Variants in HCFC1 observed in about 807,000 individuals in gnomAD.
The protein encoded by HCFC1 is host cell factor C1.
A neutral mutation model predicts 105.5 loss-of-function variants in HCFC1; 7 were observed. The observed-to-expected ratio is 0.07, with a 90% CI of 0.04 to 0.12. HCFC1 has a LOEUF of 0.12. Among genes scored for constraint, HCFC1 ranks in the 10% least tolerant of loss-of-function variants. The pLI, the probability that HCFC1 is intolerant of heterozygous loss-of-function variation, is 1.00. For missense variants in HCFC1, 1,065 were observed against 1,823.6 expected (o/e 0.58, Z 7.58); for synonymous variants, 918 against 828.1 (o/e 1.11, Z -1.86).
intron 1 of HCFC1, among the ~76,000 whole-genome samples, chrX:153,967,728 A>G (rs999799966): frequency 9.0e-5 from 10 of 111,602 alleles, no homozygotes; most frequent in Non-Finnish European, 3.8e-5. Context: ...TTCTCAGAAG[A>G]GGTGACGTTT....
Position 153,955,245 on chromosome X carries a change from T to C in HCFC1, c.3154A>G (p.Arg1052Gly). 1 of 1,211,664 alleles carries C rather than the reference T, an allele frequency of 8.3e-7. No individual in the cohort carries two copies. The highest frequency in any genetic ancestry group is 1.8e-5 in the South Asian group (1 of 57,008). Reference sequence around the variant, plus strand: ...ACAAGAGAAGCAGCTGCCTCCTGTCTGTCACAGACGAACTGCACTTGGGTG... The same window carrying C: ...ACAAGAGAAGCAGCTGCCTCCTGTCCGTCACAGACGAACTGCACTTGGGTG... ...QPTQVQFVCD[R>G]QEAAASLVTS... The change falls in exon 17 of 26, where the codon AGA (arginine) becomes GGA (glycine). Residue 1052 changes from arginine to glycine, a missense_variant. Physicochemically the swap from Arg to Gly is moderately radical, Grantham distance 125 (BLOSUM62 -2). Around this residue, in one of 17 missense-constraint regions of HCFC1, gnomAD observed 546 missense variants for 599.9 expected, o/e 0.91. Coordinates refer to ENST00000310441, the MANE Select transcript of HCFC1 (RefSeq NM_005334.3).
Position 153,954,893 on chromosome X carries a change from C to T in HCFC1, c.3506G>A (p.Arg1169His), listed in dbSNP as rs369834016. 23 of 1,161,633 alleles carry T rather than the reference C, an allele frequency of 2.0e-5. No individual in the cohort carries two copies. Among genetic ancestry groups the T allele is most frequent in the East Asian group, 6.3e-5 (2 of 31,743 alleles). The change falls in exon 17 of 26, where the codon CGC becomes CAC. Residue 1169 changes from arginine (R) to histidine (H), a missense_variant. Around this residue, in one of 17 missense-constraint regions of HCFC1, gnomAD observed 546 missense variants for 599.9 expected, o/e 0.91. Coordinates refer to ENST00000310441, the MANE Select transcript of HCFC1 (RefSeq NM_005334.3). ...GGTGGTGCTGGTCGCGCTGGTCTGG[C>T]GGGTTTGGCACTGGGACTTAGAGCC... ...AQGSKSQCQT[R>H]QTSATSTTMT...
Position 153,967,756 on chromosome X carries a change from G to A in HCFC1, c.193+2892C>T, listed in dbSNP as rs145891247. Among the ~76,000 whole-genome samples, 279 of 111,927 alleles carry A rather than the reference G, an allele frequency of 2.5e-3. 1 individual carries two copies. The highest frequency in any genetic ancestry group is 2.5e-3 in the Non-Finnish European group (135 of 53,132). Reference sequence around the variant, plus strand: ...TGACGTTTCAGCCGGGCCTTGAAGGGTGAACAGGATTTCCCGACAAATGAA... The same window carrying A: ...TGACGTTTCAGCCGGGCCTTGAAGGATGAACAGGATTTCCCGACAAATGAA... On this transcript the variant is annotated intron_variant, in intron 1 of 25. Coordinates refer to ENST00000310441, the MANE Select transcript of HCFC1 (RefSeq NM_005334.3).
At chrX:153,956,450 C>T in intron 15 of HCFC1, 39 bp from the exon 16 acceptor site, 2 of 1,159,488 alleles carry the variant, frequency 1.7e-6, no homozygotes, top group Non-Finnish European at 2.3e-6. Flanking sequence ...AAGGCTGCTG[C>T]TGTCTCCTTC....
In HCFC1 at chrX:153,971,641, C is replaced by T. The variant is rs2065536425; in HGVS notation, c.-801G>A. 3.4e-6 allele frequency: 1 copy of T among 296,154 alleles called. No homozygotes were observed. Among genetic ancestry groups the T allele is most frequent in the Non-Finnish European group, 5.9e-6 (1 of 169,335 alleles). The allele number at this position is 296,154 out of a possible 1,213,427, so 24.4% of individuals were successfully genotyped here. A position where few individuals can be genotyped will look rare whatever the true frequency, so the allele number is the denominator to read the frequency against. On this transcript the variant is annotated 5_prime_UTR_variant, in exon 1 of 26. Coordinates refer to ENST00000310441, the MANE Select transcript of HCFC1 (RefSeq NM_005334.3). ...CTATTCTCTTCCTCCTAGGTCAGTTCTTCCACTGCACACCAAACTCAAGGC... is the reference window on the plus strand; with the variant it reads ...CTATTCTCTTCCTCCTAGGTCAGTTTTTCCACTGCACACCAAACTCAAGGC...
At chrX:153,962,186 T>C (rs2065435754) in intron 5 of HCFC1, 36 bp downstream of exon 5, 1 of 1,103,822 alleles carries the variant, frequency 9.1e-7, no homozygotes, top group African/African-American at 1.8e-5. Flanking sequence ...GCCACGCCAG[T>C]CTAGAGAAGA....
chrX:153,958,798 C>T, intron 9 of HCFC1, 32 bp from the exon 10 acceptor site: 1 of 1,066,588 alleles, frequency 9.4e-7, no homozygotes. Flanking sequence ...GAGGCCAGGT[C>T]ACAGGTGCCA....
At chrX:153,960,903 G>A (rs1222333656) in intron 6 of HCFC1, among the ~76,000 whole-genome samples, 9 of 112,751 alleles carry the variant, frequency 8.0e-5, no homozygotes, top group African/African-American at 2.9e-4. Flanking sequence ...TTCCGTGAGG[G>A]CACCACTGGA....
chrX:153,965,174 C>A (rs1557118049), intron 1 of HCFC1, among the ~76,000 whole-genome samples: 1 of 111,259 alleles, frequency 9.0e-6, no homozygotes, highest in African/African-American at 3.3e-5. Flanking sequence ...AAACAGTGAC[C>A]GCTGCAGGCT....
intron 13 of HCFC1, 100 bp from the exon 14 acceptor site, chrX:153,957,160 T>C (rs2065385195): frequency 2.9e-6 from 3 of 1,030,713 alleles, no homozygotes; most frequent in East Asian, 3.0e-5. Context: ...GCCATAGCCC[T>C]GCCCATCTCC....
In HCFC1 at chrX:153,952,890, C is replaced by T. The variant is rs371874117; in HGVS notation, c.4566G>A (p.Ser1522=). The change falls in exon 19 of 26, where the codon TCG becomes TCA. Residue 1522 remains serine (S), a synonymous_variant. Transcript: ENST00000310441. ...QQLPPRQLLQ[S]ASTALMGESA... is the part of the protein sequence containing the mutation. ...ACTCCCCCATCAGGGCTGTGGAAGC[C>T]GACTGCAGAAGCTGCCGTGGCGGCA... is the stretch of plus-strand genomic sequence containing the variant. 4.6e-5 allele frequency: 54 copies of T among 1,181,380 alleles called. No individual in the cohort carries two copies. The highest frequency in any genetic ancestry group is 1.1e-4 in the South Asian group (6 of 54,051).
rs192349221 is a variant in HCFC1, at chrX:153,964,113, C to G, written c.503+11G>C. The stretch of plus-strand genomic sequence containing the variant: ...ACCCGGGGGGTTCCAGAGAAAAGGA[C>G]CAAGCCTCACCTTGGAATGTTGTTC... On this transcript the variant is annotated intron_variant, in intron 3 of 25. Coordinates refer to ENST00000310441, the MANE Select transcript of HCFC1 (RefSeq NM_005334.3). The G allele has an allele frequency of 9.2e-6, 11 of 1,189,480 alleles. No individual in the cohort carries two copies. The African/African-American group carries it at 1.8e-4, about 19-fold the overall frequency.
At position 153,964,092 on chromosome X, in the gene HCFC1, G is replaced by A. The variant is rs782433100; in HGVS notation, c.503+32C>T. 52 of 1,159,232 alleles carry A rather than the reference G, an allele frequency of 4.5e-5. No individual in the cohort carries two copies. The South Asian group carries it at 5.7e-4, about 13-fold the overall frequency. On this transcript the variant is annotated intron_variant, in intron 3 of 25. Transcript: ENST00000310441. Reference sequence around the variant, plus strand: ...TGTGCATGTGAGAGCACACCCACCCGGGGGGTTCCAGAGAAAAGGACCAAG... The same window carrying A: ...TGTGCATGTGAGAGCACACCCACCCAGGGGGTTCCAGAGAAAAGGACCAAG...
chrX:153,953,887 T>G (rs951540146), intron 17 of HCFC1, 117 bp from the exon 18 acceptor site: 1 of 910,832 alleles, frequency 1.1e-6, no homozygotes, highest in Non-Finnish European at 1.5e-6. Flanking sequence ...CAGGACAGGC[T>G]CCTGGAGACC....
rs368934972 is a variant in HCFC1, at chrX:153,963,234, G to A, written c.703C>T (p.Leu235=). ...SGCRLGDLWT[L]DIDTLTWNKP... is the part of the protein sequence containing the mutation. ...CTACCACCCTGCTCACCAATATCTA[G>A]GGTCCACAGGTCCCCCAGCCTGCAG... Residue 235 remains leucine (L), a synonymous_variant, in exon 4 of 26, where the codon CTA becomes TTA. Coordinates refer to ENST00000310441, the MANE Select transcript of HCFC1 (RefSeq NM_005334.3). 8 of 1,202,669 alleles carry A rather than the reference G, an allele frequency of 6.7e-6. No homozygotes were observed. The African/African-American group carries it at 1.1e-4, about 16-fold the overall frequency.
Position 153,955,030 on chromosome X carries a change from G to A in HCFC1, c.3369C>T (p.Ala1123=). The change falls in exon 17 of 26, where the codon GCC becomes GCT. Residue 1123 remains alanine (A), a synonymous_variant. Transcript: ENST00000310441. ...ETGTTNTATT[A]MSSVGANHQR... is the part of the protein sequence containing the mutation. ...GGTGGTTGGCGCCGACGCTCGACAT[G>A]GCTGTAGTGGCAGTGTTGGTGGTGC... 1.7e-6 allele frequency: 2 copies of A among 1,210,579 alleles called. No individual in the cohort carries two copies. The highest frequency in any genetic ancestry group is 2.2e-6 in the Non-Finnish European group (2 of 894,948).
At chrX:153,969,726 G>A (rs1285025648) in intron 1 of HCFC1, 1 of 113,477 alleles carries the variant, frequency 8.8e-6, no homozygotes, top group Non-Finnish European at 1.9e-5. Context: ...TGGTGCATCA[G>A]CCATACCTGA....
chrX:153,962,805 C>T (rs1459667493), intron 4 of HCFC1, among the ~76,000 whole-genome samples: 3 of 111,554 alleles, frequency 2.7e-5, no homozygotes, highest in Non-Finnish European at 5.7e-5. Context: ...GATACCACCA[C>T]CTGGTGACCG....
intron 23 of HCFC1, 21 bp downstream of exon 23, chrX:153,950,792 C>T: frequency 4.2e-6 from 5 of 1,202,864 alleles, no homozygotes; most frequent in Non-Finnish European, 5.6e-6. Flanking sequence ...GGACAGACGG[C>T]CACCCCACAG....
Sources: gnomAD v4.1 joint callset for allele counts (sites outside exome capture counted in the v4.1 genomes callset) on GRCh38, gnomAD v4.1.1 for gene constraint, gnomAD v4.1.1 regional missense constraint, MANE v1.5 for transcripts, NCBI Gene and HGNC (gene_info 2026-07-23, HGNC 2026-07-21) for gene names.